Variants in RBMS3 observed in about 807,000 individuals in gnomAD.
RBMS3 encodes the protein RNA binding motif single stranded interacting protein 3.
RBMS3 carries 27 observed loss-of-function variants against 66.8 expected under a neutral mutation model. The observed-to-expected ratio is 0.40, with a 90% CI of 0.30 to 0.56. RBMS3 has a LOEUF of 0.56. Among genes scored for constraint, RBMS3 ranks in the 20% least tolerant of loss-of-function variants. The pLI, the probability that RBMS3 is intolerant of heterozygous loss-of-function variation, is 0.40. For synonymous variants in RBMS3, 188 were observed against 183.0 expected, an observed-to-expected ratio of 1.03 and a Z score of -0.22; for missense variants, 513 against 549.5, an observed-to-expected ratio of 0.93 and a Z score of 0.66.
intron 6 of RBMS3, among the ~76,000 whole-genome samples, chr3:29,839,085 A>T (rs1302278862): frequency 6.6e-6 from 1 of 152,194 alleles, no homozygotes; most frequent in Non-Finnish European, 1.5e-5. Flanking sequence ...AGGCATAATG[A>T]GTGGATTGTT....
intron 4 of RBMS3, among the ~76,000 whole-genome samples, chr3:29,623,907 A>G (rs894555906): frequency 6.6e-6 from 1 of 152,214 alleles, no homozygotes; most frequent in Non-Finnish European, 1.5e-5. Context: ...TTTTAAATAT[A>G]TGTCTGGCAA....
intron 4 of RBMS3, among the ~76,000 whole-genome samples, chr3:29,700,625 G>C (rs919357216): frequency 1.2e-4 from 18 of 151,414 alleles, no homozygotes; most frequent in African/African-American, 4.1e-4. Context: ...ACTATAGTAA[G>C]ATATGAATAG....
intron 1 of RBMS3, among the ~76,000 whole-genome samples, chr3:29,361,987 G>A (rs1208231011): frequency 6.6e-6 from 1 of 152,178 alleles, no homozygotes; most frequent in Non-Finnish European, 1.5e-5. Context: ...TTTGCAATGG[G>A]TTTGAACTTC....
At chr3:29,926,563 C>G (rs2060945126) in intron 10 of RBMS3, among the ~76,000 whole-genome samples, 1 of 152,158 alleles carries the variant, frequency 6.6e-6, no homozygotes, top group African/African-American at 2.4e-5. Context: ...CCAATAGGAT[C>G]TTACAAGACC....
At chr3:29,613,827 G>A (rs1423677793) in intron 4 of RBMS3, among the ~76,000 whole-genome samples, 1 of 151,804 alleles carries the variant, frequency 6.6e-6, no homozygotes, top group African/African-American at 2.4e-5. Flanking sequence ...TGGCTATTCT[G>A]CAAGTTTTGG....
intron 3 of RBMS3, among the ~76,000 whole-genome samples, chr3:29,581,420 G>A (rs1233962757): frequency 1.3e-5 from 2 of 152,098 alleles, no homozygotes; most frequent in Admixed American, 1.3e-4. Context: ...GGCAGTCTAA[G>A]TGCCATCAGA....
At chr3:29,805,878 A>C (rs1055581261) in intron 6 of RBMS3, among the ~76,000 whole-genome samples, 2 of 152,052 alleles carry the variant, frequency 1.3e-5, no homozygotes, top group Non-Finnish European at 2.9e-5. Context: ...AGTAGTATAC[A>C]GTAATGTTCT....
chr3:29,623,039 C>T (rs990265972), intron 4 of RBMS3, among the ~76,000 whole-genome samples: 2 of 149,054 alleles, frequency 1.3e-5, no homozygotes, highest in African/African-American at 5.0e-5. Context: ...ATGGCGTGAA[C>T]TGGCAAGCTT....
chr3:29,474,640 G>C (rs533678554), intron 2 of RBMS3, among the ~76,000 whole-genome samples: 58 of 152,326 alleles, frequency 3.8e-4, no homozygotes, highest in African/African-American at 1.4e-3. Flanking sequence ...ATGTTTTCAA[G>C]TAACTCTCAG....
chr3:29,644,014 G>T (rs1450618530), intron 4 of RBMS3, among the ~76,000 whole-genome samples: 1 of 152,166 alleles, frequency 6.6e-6, no homozygotes, highest in East Asian at 1.9e-4. Context: ...TGAGGTTTCA[G>T]TGGCAGTATG....
At position 29,524,415 on chromosome 3, in the gene RBMS3, A is replaced by ATTTT. The variant is rs1222102515; in HGVS notation, c.307+35942_307+35945dup. Among the ~76,000 whole-genome samples the ATTTT allele has an allele frequency of 3.2e-3, 180 of 57,114 alleles. 25 individuals carry two copies. The highest frequency in any genetic ancestry group is 4.0e-3 in the Non-Finnish European group (131 of 32,462). The allele number at this position is 57,114 out of a possible 152,430, so 37.5% of individuals were successfully genotyped here. ...GGAAGATATGAGTGACTCCCTTTACATTTTTTTTTTTTTTTTTTTTTTTTT... is the reference window on the plus strand; with the variant it reads ...GGAAGATATGAGTGACTCCCTTTACATTTTTTTTTTTTTTTTTTTTTTTTTTTTT... On this transcript the variant is annotated intron_variant, in intron 3 of 14. Transcript: ENST00000383767.
chr3:29,795,383 T>A lies in RBMS3; in HGVS notation c.637+32394T>A, dbSNP rs184733452. ...TATATATTTAAAATGTATCTTTGCA[T>A]TTTTCAGGTTAACTACATACGTGAC... On this transcript the variant is annotated intron_variant, in intron 6 of 14. Coordinates refer to ENST00000383767, the MANE Select transcript of RBMS3 (RefSeq NM_001003793.3). Among the ~76,000 whole-genome samples, 7 of 152,358 alleles carry A rather than the reference T, an allele frequency of 4.6e-5. No homozygotes were observed. In the East Asian group the frequency reaches 1.3e-3, roughly 29 times the overall value.
At chr3:29,313,440 A>G (rs1575523823) in intron 1 of RBMS3, among the ~76,000 whole-genome samples, 1 of 151,840 alleles carries the variant, frequency 6.6e-6, no homozygotes, top group Non-Finnish European at 1.5e-5. Flanking sequence ...GGCACTGTGT[A>G]TATTGCTTTT....
intron 10 of RBMS3, among the ~76,000 whole-genome samples, chr3:29,909,817 T>C (rs2060472976): frequency 6.6e-6 from 1 of 152,122 alleles, no homozygotes; most frequent in Non-Finnish European, 1.5e-5. Flanking sequence ...CCTACCTTTC[T>C]GCATGTGGTT....
At chr3:29,957,111 C>T (rs188464227) in intron 12 of RBMS3, among the ~76,000 whole-genome samples, 1 of 152,162 alleles carries the variant, frequency 6.6e-6, no homozygotes, top group East Asian at 1.9e-4. Context: ...TGGAAGGTTG[C>T]CTTATCCTTT....
chr3:29,909,728 A>C (rs187439133), intron 10 of RBMS3, among the ~76,000 whole-genome samples: 6 of 152,258 alleles, frequency 3.9e-5, no homozygotes, highest in Non-Finnish European at 7.3e-5. Context: ...CAGTAACGTA[A>C]AAATTGTCCC....
intron 3 of RBMS3, among the ~76,000 whole-genome samples, chr3:29,530,902 C>T (rs1168903473): frequency 6.6e-6 from 1 of 151,428 alleles, no homozygotes; most frequent in Non-Finnish European, 1.5e-5. Flanking sequence ...TCAATGCTTA[C>T]ATAATCTGAT....
intron 1 of RBMS3, among the ~76,000 whole-genome samples, chr3:29,389,168 C>G (rs564556320): frequency 4.6e-5 from 7 of 152,294 alleles, no homozygotes; most frequent in Admixed American, 4.6e-4. Flanking sequence ...ACTGTCTTCT[C>G]TTCCCCTCTG....
intron 3 of RBMS3, among the ~76,000 whole-genome samples, chr3:29,514,418 T>C (rs1294243827): frequency 6.6e-6 from 1 of 151,966 alleles, no homozygotes; most frequent in Admixed American, 6.6e-5. Context: ...AGTTTTCTCA[T>C]TTAACATCTG....
Sources: gnomAD v4.1 joint callset for allele counts (sites outside exome capture counted in the v4.1 genomes callset) on GRCh38, gnomAD v4.1.1 for gene constraint, MANE v1.5 for transcripts, NCBI Gene and HGNC (gene_info 2026-07-23, HGNC 2026-07-21) for gene names.